PTPRN2: variants seen among roughly 807,000 people sequenced by gnomAD.
The protein encoded by PTPRN2 is receptor-type tyrosine-protein phosphatase N2.
Under a neutral mutation model 118.8 loss-of-function variants are expected in PTPRN2, and 74 were observed. The observed-to-expected ratio is 0.62, with a 90% CI of 0.52 to 0.76. The LOEUF is 0.76. Ranked by LOEUF, PTPRN2 falls within the 30% of genes least tolerant of loss-of-function variation. The pLI is 0.00. For missense variants in PTPRN2, 1,481 were observed against 1,394.4 expected, an observed-to-expected ratio of 1.06 and a Z score of -0.99; for synonymous variants, 641 against 608.0, an observed-to-expected ratio of 1.05 and a Z score of -0.80.
chr7:158,121,531 C>A (rs1191455089), intron 9 of PTPRN2, among the ~76,000 whole-genome samples: 1 of 152,216 alleles, frequency 6.6e-6, no homozygotes, highest in East Asian at 1.9e-4. Context: ...TCAATGTTTG[C>A]TACCAAATTC....
At chr7:158,395,731 A>G (rs189208002) in intron 2 of PTPRN2, among the ~76,000 whole-genome samples, 1 of 28,680 alleles carries the variant, frequency 3.5e-5, no homozygotes, top group Non-Finnish European at 6.3e-5. Flanking sequence ...GCGCGAGGGG[A>G]GAGGGGAGAG....
At chr7:158,020,154 C>A (rs1585214241) in intron 11 of PTPRN2, among the ~76,000 whole-genome samples, 1 of 152,160 alleles carries the variant, frequency 6.6e-6, no homozygotes, top group South Asian at 2.1e-4. Flanking sequence ...GTGGGGTGAC[C>A]CCAGCCCCAG....
chr7:158,249,900 G>A (rs1431215118), intron 3 of PTPRN2, among the ~76,000 whole-genome samples: 7 of 152,264 alleles, frequency 4.6e-5, no homozygotes, highest in Middle Eastern at 3.4e-3. Context: ...ACAACGACCC[G>A]TGCAGTGTCA....
intron 11 of PTPRN2, among the ~76,000 whole-genome samples, chr7:157,931,578 A>G (rs1799359547): frequency 6.6e-6 from 1 of 152,214 alleles, no homozygotes; most frequent in South Asian, 2.1e-4. Context: ...CATTAACTCT[A>G]AAACTGTTTC....
At chr7:158,345,329 G>GT (rs1054956674) in intron 2 of PTPRN2, among the ~76,000 whole-genome samples, 5 of 152,170 alleles carry the variant, frequency 3.3e-5, no homozygotes, top group African/African-American at 1.2e-4. Flanking sequence ...CTTAATTTGG[G>GT]TTTTTTGTGG....
rs2150554160 is a variant in PTPRN2 at position 157,590,567 on chromosome 7, T to C, written c.2496+4671A>G. Among the ~76,000 whole-genome samples the C allele has an allele frequency of 6.6e-6, 1 of 152,306 alleles. No homozygotes were observed. Among genetic ancestry groups the C allele is most frequent in the East Asian group, 1.9e-4 (1 of 5,176 alleles). On this transcript the variant is annotated intron_variant, in intron 17 of 22. Coordinates refer to ENST00000389418, the MANE Select transcript of PTPRN2 (RefSeq NM_002847.5). The surrounding 1 kb of genome is among the most constrained non-coding windows in gnomAD (Gnocchi z 4.0). ...AGGAAAGCACCATGTGTGCAGTGAG[T>C]GGTGACCCTCCGTGGATTTTCGTGC...
chr7:158,363,871 G>A (rs1035068596), intron 2 of PTPRN2, among the ~76,000 whole-genome samples: 3 of 152,118 alleles, frequency 2.0e-5, no homozygotes, highest in African/African-American at 7.2e-5. Context: ...AGTCTCTGGT[G>A]TTGATCACAG....
At chr7:157,793,334 C>T (rs745661724) in intron 12 of PTPRN2, among the ~76,000 whole-genome samples, 6 of 152,094 alleles carry the variant, frequency 3.9e-5, no homozygotes, top group African/African-American at 1.2e-4. Flanking sequence ...AGATGACCCT[C>T]GCGGCGGTGA....
Position 158,411,425 on chromosome 7 carries a change from C to T in PTPRN2, c.163+78310G>A, listed in dbSNP as rs1814078120. Among the ~76,000 whole-genome samples, 7 of 152,294 alleles carry T rather than the reference C, an allele frequency of 4.6e-5. No homozygotes were observed. In the South Asian group the frequency reaches 1.5e-3, roughly 32 times the overall value. On this transcript the variant is annotated intron_variant, in intron 2 of 22. Transcript: ENST00000389418. Reference sequence around the variant, plus strand: ...TTCAGCAGCCTCTGGGGTCTCACCTCCTGGTCCCCTGGGCCCTTGCACATG... The same window carrying T: ...TTCAGCAGCCTCTGGGGTCTCACCTTCTGGTCCCCTGGGCCCTTGCACATG...
At chr7:157,573,478 C>A in intron 19 of PTPRN2, among the ~76,000 whole-genome samples, 1 of 152,222 alleles carries the variant, frequency 6.6e-6, no homozygotes, top group Admixed American at 6.5e-5. Flanking sequence ...CCACACCCAC[C>A]AGTCACCAGG....
chr7:158,312,936 A>G (rs144770071), intron 3 of PTPRN2, among the ~76,000 whole-genome samples: 4 of 149,604 alleles, frequency 2.7e-5, no homozygotes, highest in Non-Finnish European at 5.9e-5. Context: ...CAGCATGTCA[A>G]TGAGTGTGCA....
In PTPRN2 at chr7:157,845,449, T is replaced by C. The variant is rs1487699749; in HGVS notation, c.1788+53224A>G. Among the ~76,000 whole-genome samples the C allele has an allele frequency of 2.0e-5, 3 of 151,440 alleles. No homozygotes were observed. The highest frequency in any genetic ancestry group is 7.3e-5 in the African/African-American group (3 of 41,052). On this transcript the variant is annotated intron_variant, in intron 12 of 22. Coordinates refer to ENST00000389418, the MANE Select transcript of PTPRN2 (RefSeq NM_002847.5). This position sits in a 1 kb window ranked among gnomAD's most constrained non-coding sequence, Gnocchi z 4.5. ...CACCATGTTCCCGGCCATACCCCAG[T>C]GAACCACACAGCCTAACTCACCATG...
At chr7:158,117,694 C>T (rs951148183) in intron 9 of PTPRN2, among the ~76,000 whole-genome samples, 3 of 152,108 alleles carry the variant, frequency 2.0e-5, no homozygotes, top group African/African-American at 4.8e-5. Context: ...CAGTTCATCA[C>T]ACACCAGGCT....
chr7:158,136,336 T>C (rs1032498830), intron 8 of PTPRN2, among the ~76,000 whole-genome samples: 3 of 152,228 alleles, frequency 2.0e-5, no homozygotes, highest in Non-Finnish European at 4.4e-5. Flanking sequence ...ATGTGCAAAG[T>C]GGGCACAGGC....
rs1433690685 is a variant in PTPRN2 at position 157,591,083 on chromosome 7, G to T, written c.2496+4155C>A. The stretch of plus-strand genomic sequence containing the variant: ...GGCTAGGATGAGCTCTCAGTCCAAT[G>T]ACTGACATCCTTAGAAGAGGAGGGA... On this transcript the variant is annotated intron_variant, in intron 17 of 22. Transcript: ENST00000389418. The surrounding 1 kb of genome is among the most constrained non-coding windows in gnomAD (Gnocchi z 4.4). 1.3e-5 allele frequency among the ~76,000 whole-genome samples: 2 copies of T among 152,162 alleles called. No individual in the cohort carries two copies. The highest frequency in any genetic ancestry group is 4.8e-5 in the African/African-American group (2 of 41,446).
chr7:157,639,456 T>C (rs578016910), intron 14 of PTPRN2, among the ~76,000 whole-genome samples: 28 of 152,346 alleles, frequency 1.8e-4, no homozygotes, highest in African/African-American at 6.3e-4. Context: ...ATGGCATGTG[T>C]GTTTCCAGTG....
chr7:157,685,587 C>A (rs1027291010), intron 12 of PTPRN2, among the ~76,000 whole-genome samples: 1 of 151,936 alleles, frequency 6.6e-6, no homozygotes, highest in Non-Finnish European at 1.5e-5. Flanking sequence ...GGTCTGCGGG[C>A]GGCAGGAGGG....
At chr7:157,917,368 C>G (rs527861082) in intron 11 of PTPRN2, among the ~76,000 whole-genome samples, 1 of 152,368 alleles carries the variant, frequency 6.6e-6, no homozygotes, top group South Asian at 2.1e-4. Flanking sequence ...ATTTGTCAAA[C>G]TCCACTCCTC....
chr7:158,210,265 A>T, intron 3 of PTPRN2, among the ~76,000 whole-genome samples: 1 of 144,470 alleles, frequency 6.9e-6, no homozygotes, highest in African/African-American at 2.5e-5. Context: ...CCTCCCGAGT[A>T]GCTGGGACTA....
Sources: allele counts gnomAD v4.1 joint callset (sites outside exome capture counted in the v4.1 genomes callset), GRCh38; gene constraint gnomAD v4.1.1; non-coding constraint Gnocchi (gnomAD v3.1); transcripts MANE v1.5; gene names NCBI Gene and HGNC (gene_info 2026-07-23, HGNC 2026-07-21).